RIPOR2: variants seen among roughly 807,000 people sequenced by gnomAD.
RIPOR2 encodes the protein RHO family interacting cell polarization regulator 2, also known as rho family-interacting cell polarization regulator 2.
RIPOR2 carries 39 observed loss-of-function variants against 114.5 expected under a neutral mutation model. The observed-to-expected ratio is 0.34, with a 90% CI of 0.26 to 0.44. The LOEUF (loss-of-function observed/expected upper bound fraction) is 0.44. Ranked by LOEUF, RIPOR2 falls within the 20% of genes least tolerant of loss-of-function variation. The pLI, the probability that RIPOR2 is intolerant of heterozygous loss-of-function variation, is 1.00. For synonymous variants in RIPOR2, 445 were observed against 484.4 expected, an observed-to-expected ratio of 0.92 and a Z score of 1.07; for missense variants, 1,007 against 1,255.1, an observed-to-expected ratio of 0.80 and a Z score of 2.99.
intron 1 of RIPOR2, among the ~76,000 whole-genome samples, chr6:25,003,955 C>T (rs1277480052): frequency 2.0e-5 from 3 of 152,180 alleles, no homozygotes; most frequent in Non-Finnish European, 4.4e-5. Flanking sequence ...TGTCATGTCA[C>T]TGTGTGAATA....
chr6:24,943,757 A>G lies in RIPOR2; in HGVS notation c.77-67940T>C, dbSNP rs1454586154. Among the ~76,000 whole-genome samples the G allele has an allele frequency of 2.6e-5, 4 of 152,254 alleles. No individual in the cohort carries two copies. In the East Asian group the frequency reaches 7.7e-4, roughly 29 times the overall value. On this transcript the variant is annotated intron_variant, in intron 1 of 13. Transcript: ENST00000510784. ...AGTGAAAATCAACAGCCTGGCAGCT[A>G]TTGGAATGGTTGCAGAATGGAGATA...
At chr6:24,849,187 G>A (rs1298969546) in intron 11 of RIPOR2, among the ~76,000 whole-genome samples, 3 of 152,200 alleles carry the variant, frequency 2.0e-5, no homozygotes, top group African/African-American at 7.2e-5. Flanking sequence ...TTACAGGTGT[G>A]AGCCACCGCA....
At chr6:24,917,981 GTCCCT>G (rs559158157) in intron 1 of RIPOR2, among the ~76,000 whole-genome samples, 110 of 152,318 alleles carry the variant, frequency 7.2e-4, no homozygotes, top group African/African-American at 2.6e-3. Context: ...GTCTGATGCA[GTCCCT>G]GGTTTGCAGG....
chr6:24,843,585 T>A, intron 12 of RIPOR2, 31 bp from the exon 13 acceptor site: 1 of 1,394,392 alleles, frequency 7.2e-7, no homozygotes, highest in Non-Finnish European at 9.6e-7. Flanking sequence ...ATTATTATTT[T>A]CAATACAAAT....
chr6:24,828,078 G>A, intron 18 of RIPOR2, 59 bp downstream of exon 18: 14 of 1,387,206 alleles, frequency 1.0e-5, no homozygotes, highest in East Asian at 2.7e-5. Context: ...TGATTTAAAA[G>A]AGCAGAGATA....
intron 4 of RIPOR2, among the ~76,000 whole-genome samples, chr6:24,871,155 A>C (rs1372270277): frequency 3.9e-5 from 6 of 152,224 alleles, no homozygotes; most frequent in Admixed American, 2.6e-4. Context: ...CATTGCATGC[A>C]GTCCTCCCTG....
chr6:24,841,108 C>T (rs1761674587), intron 13 of RIPOR2, among the ~76,000 whole-genome samples: 1 of 152,150 alleles, frequency 6.6e-6, no homozygotes, highest in African/African-American at 2.4e-5. Context: ...CTCTGATCAC[C>T]AGTTTTTAAT....
chr6:24,966,658 G>T (rs926155365), intron 1 of RIPOR2, among the ~76,000 whole-genome samples: 1 of 152,102 alleles, frequency 6.6e-6, no homozygotes, highest in African/African-American at 2.4e-5. Flanking sequence ...GCTCATCCTT[G>T]TGTTTATTTC....
At chr6:24,962,187 C>T (rs541711851) in intron 1 of RIPOR2, among the ~76,000 whole-genome samples, 2 of 152,270 alleles carry the variant, frequency 1.3e-5, no homozygotes, top group South Asian at 2.1e-4. Context: ...TACAGATGAC[C>T]TTGACCACCA....
chr6:24,926,980 C>CTACCACCAG, intron 1 of RIPOR2, among the ~76,000 whole-genome samples: 1 of 114,454 alleles, frequency 8.7e-6, no homozygotes, highest in Admixed American at 9.0e-5. Flanking sequence ...ACCACCACCA[C>CTACCACCAG]CACCACCACA....
intron 1 of RIPOR2, among the ~76,000 whole-genome samples, chr6:24,900,590 T>C (rs1483821857): frequency 6.6e-6 from 1 of 152,000 alleles, no homozygotes; most frequent in African/African-American, 2.4e-5. Flanking sequence ...AAACCCCATC[T>C]CTACAAAAAA....
intron 13 of RIPOR2, chr6:24,840,713 C>T: frequency 6.5e-7 from 1 of 1,535,356 alleles, no homozygotes. Flanking sequence ...CTCATTCACC[C>T]TCAGTGATCT....
rs1045877468 is a variant in RIPOR2 at position 25,035,309 on chromosome 6, A to G, written c.76+6542T>C. On this transcript the variant is annotated intron_variant, in intron 1 of 13. Coordinates refer to the RIPOR2 transcript ENST00000510784. ...TTTCTTTCTTTTTTATACTTGGGGT[A>G]AACTCCTCACTGACCTCCTCTCAAA... Among the ~76,000 whole-genome samples the G allele has an allele frequency of 2.0e-5, 3 of 152,236 alleles. No individual in the cohort carries two copies. The East Asian group carries it at 5.8e-4, about 29-fold the overall frequency.
At chr6:24,882,350 G>C (rs575842788) in intron 1 of RIPOR2, among the ~76,000 whole-genome samples, 1 of 152,192 alleles carries the variant, frequency 6.6e-6, no homozygotes, top group Non-Finnish European at 1.5e-5. Context: ...GCCAGTGGCC[G>C]ACCTCCTTTC....
chr6:24,968,027 C>G (rs992832187), intron 1 of RIPOR2, among the ~76,000 whole-genome samples: 6 of 151,466 alleles, frequency 4.0e-5, no homozygotes, highest in African/African-American at 1.5e-4. Flanking sequence ...ATTCTTCTGC[C>G]TCAGCCTCCC....
intron 1 of RIPOR2, among the ~76,000 whole-genome samples, chr6:24,879,479 A>C (rs961284358): frequency 2.0e-5 from 3 of 152,212 alleles, no homozygotes; most frequent in Non-Finnish European, 4.4e-5. Flanking sequence ...ATCAAGAAAG[A>C]ATTTGGCCAG....
At chr6:25,013,669 G>A (rs750041818) in intron 1 of RIPOR2, among the ~76,000 whole-genome samples, 5 of 152,134 alleles carry the variant, frequency 3.3e-5, no homozygotes, top group Non-Finnish European at 7.3e-5. Context: ...AAACATCTGT[G>A]GGCTGATATA....
At chr6:24,852,849 G>C (rs1763099163) in intron 8 of RIPOR2, among the ~76,000 whole-genome samples, 1 of 152,164 alleles carries the variant, frequency 6.6e-6, no homozygotes, top group African/African-American at 2.4e-5. Context: ...CCAAGGCAGG[G>C]GAGGCTGGGC....
intron 19 of RIPOR2, among the ~76,000 whole-genome samples, chr6:24,823,115 C>T (rs1320387781): frequency 6.6e-6 from 1 of 152,194 alleles, no homozygotes; most frequent in Non-Finnish European, 1.5e-5. Context: ...CCAACACACA[C>T]AACTTTTATT....
Sources: gnomAD v4.1 joint callset for allele counts (sites outside exome capture counted in the v4.1 genomes callset) on GRCh38, gnomAD v4.1.1 for gene constraint, MANE v1.5 for transcripts, NCBI Gene and HGNC (gene_info 2026-07-23, HGNC 2026-07-21) for gene names.